The following LRRC7 variants were observed in gnomAD, a reference collection of about 807,000 sequenced individuals.
LRRC7 encodes leucine rich repeat containing 7.
A neutral mutation model predicts 175.7 loss-of-function variants in LRRC7; 23 were observed. The observed-to-expected ratio is 0.13, with a 90% CI of 0.09 to 0.19. The LOEUF (loss-of-function observed/expected upper bound fraction) is 0.19. Ranked by LOEUF, LRRC7 falls within the 10% of genes least tolerant of loss-of-function variation. The pLI is 1.00. For synonymous variants in LRRC7, 685 were observed against 680.9 expected (o/e 1.01, Z -0.09); for missense variants, 1,354 against 1,904.7 (o/e 0.71, Z 5.38).
rs536309053 is a variant in LRRC7 at position 70,124,611 on chromosome 1, G to A, written c.*2724G>A. 3.3e-5 allele frequency among the ~76,000 whole-genome samples: 5 copies of A among 151,958 alleles called. No homozygotes were observed. The highest frequency in any genetic ancestry group is 4.8e-5 in the African/African-American group (2 of 41,350). On this transcript the variant is annotated 3_prime_UTR_variant, in exon 27 of 27. Coordinates refer to ENST00000651989, the MANE Select transcript of LRRC7 (RefSeq NM_001370785.2). The stretch of plus-strand genomic sequence containing the variant: ...AATAGAATCACTAAACACTTGAGGG[G>A]TATAAACCTCACTAATTCTATAGGT...
intron 1 of LRRC7, among the ~76,000 whole-genome samples, chr1:69,613,238 G>A (rs776951306): frequency 3.3e-5 from 5 of 151,966 alleles, no homozygotes; most frequent in South Asian, 2.1e-4. Flanking sequence ...GCAGATGGCC[G>A]TCTTCTCATT....
chr1:69,927,407 C>T (rs1384596147), intron 7 of LRRC7, among the ~76,000 whole-genome samples: 1 of 152,156 alleles, frequency 6.6e-6, no homozygotes, highest in Non-Finnish European at 1.5e-5. Context: ...GAGTGTTTTC[C>T]AACTTGGTTC....
At chr1:69,778,761 T>C (rs910558650) in intron 3 of LRRC7, among the ~76,000 whole-genome samples, 3 of 152,060 alleles carry the variant, frequency 2.0e-5, no homozygotes, top group Non-Finnish European at 4.4e-5. Flanking sequence ...TCTCCAGTTA[T>C]ACCATGAGCC....
At chr1:69,635,541 C>CA (rs920767347) in intron 1 of LRRC7, among the ~76,000 whole-genome samples, 7 of 151,744 alleles carry the variant, frequency 4.6e-5, no homozygotes, top group South Asian at 4.2e-4. Context: ...GTATTTTTGA[C>CA]AAAAAAAGAT....
intron 7 of LRRC7, among the ~76,000 whole-genome samples, chr1:69,875,883 AAAC>A (rs1356692060): frequency 1.3e-5 from 2 of 152,228 alleles, no homozygotes; most frequent in South Asian, 2.1e-4. Flanking sequence ...CAGTAAAGAA[AAAC>A]AACAACAAAA....
intron 7 of LRRC7, among the ~76,000 whole-genome samples, chr1:69,905,596 T>C (rs1646278267): frequency 6.6e-6 from 1 of 152,210 alleles, no homozygotes; most frequent in Admixed American, 6.5e-5. Context: ...CTCTTCATTT[T>C]TTATGGCTGC....
intron 3 of LRRC7, among the ~76,000 whole-genome samples, chr1:69,769,028 T>G (rs970118736): frequency 6.6e-6 from 1 of 152,292 alleles, no homozygotes; most frequent in African/African-American, 2.4e-5. Context: ...TAGTATAAGC[T>G]TCTTTTTAAA....
intron 2 of LRRC7, among the ~76,000 whole-genome samples, chr1:69,747,985 C>T (rs999819538): frequency 4.6e-5 from 7 of 152,076 alleles, no homozygotes; most frequent in African/African-American, 1.7e-4. Context: ...TTCTTTCACC[C>T]TGAGGGGGAC....
intron 11 of LRRC7, among the ~76,000 whole-genome samples, chr1:70,010,391 C>T (rs1037917245): frequency 6.6e-6 from 1 of 152,064 alleles, no homozygotes; most frequent in Non-Finnish European, 1.5e-5. Context: ...CATGGCAAAA[C>T]CCCATCTCTA....
intron 7 of LRRC7, among the ~76,000 whole-genome samples, chr1:69,929,557 C>G (rs1647203835): frequency 6.6e-6 from 1 of 152,112 alleles, no homozygotes; most frequent in Non-Finnish European, 1.5e-5. Flanking sequence ...AGCACCTTTA[C>G]CATTGCCTTA....
rs201467999 is a variant in LRRC7, at chr1:70,023,135, T to G, written c.1555T>G (p.Cys519Gly). The change falls in exon 17 of 27, where the codon TGC becomes GGC. Residue 519 changes from cysteine to glycine, a missense_variant. Physicochemically the swap from Cys to Gly is radical, Grantham distance 159. This residue lies in a region of LRRC7 where 1,032 missense variants were observed against 1,227.2 expected (regional missense o/e 0.84). Coordinates refer to ENST00000651989, the MANE Select transcript of LRRC7 (RefSeq NM_001370785.2). The stretch of plus-strand genomic sequence containing the variant: ...ATTCCTTCTCCCACAGGATCTCTCC[T>G]GCCAAGCCCCCTGGGAAAGGGGCCA... The part of the protein sequence containing the change: ...ENAGKVKDLS[C>G]QAPWERGQRG... 3.5e-6 allele frequency: 5 copies of G among 1,423,794 alleles called. No homozygotes were observed. In the East Asian group the frequency reaches 1.3e-4, roughly 37 times the overall value. 88.2% of individuals were successfully genotyped at this position (1,423,794 alleles called of 1,614,324 possible). A position where few individuals can be genotyped will look rare whatever the true frequency, so the allele number is the denominator to read the frequency against.
intron 25 of LRRC7, among the ~76,000 whole-genome samples, 162 bp from the exon 26 acceptor site, chr1:70,107,590 G>A (rs897663146): frequency 6.6e-6 from 1 of 152,142 alleles, no homozygotes. Context: ...ACTTGACTTG[G>A]AGAGTGCTGC....
chr1:69,985,523 G>A (rs1653856748), intron 9 of LRRC7, among the ~76,000 whole-genome samples: 1 of 152,136 alleles, frequency 6.6e-6, no homozygotes, highest in Admixed American at 6.5e-5. Flanking sequence ...ACCATATACA[G>A]TTCCGTGGTT....
chr1:69,721,850 T>C (rs567856303), intron 2 of LRRC7, among the ~76,000 whole-genome samples: 8 of 152,066 alleles, frequency 5.3e-5, no homozygotes, highest in Non-Finnish European at 1.2e-4. Flanking sequence ...AAGTATTTTA[T>C]TGTGTGAAAA....
At chr1:69,850,351 T>C (rs1240538060) in intron 7 of LRRC7, among the ~76,000 whole-genome samples, 1 of 152,024 alleles carries the variant, frequency 6.6e-6, no homozygotes, top group Non-Finnish European at 1.5e-5. Flanking sequence ...ATGAACTGCC[T>C]TGTGAGCCAT....
At chr1:69,655,014 G>A (rs1553133498) in intron 1 of LRRC7, among the ~76,000 whole-genome samples, 4 of 152,052 alleles carry the variant, frequency 2.6e-5, no homozygotes, top group Non-Finnish European at 5.9e-5. Flanking sequence ...CTAAGCTGGT[G>A]CAATGTTCTA....
chr1:69,675,284 C>T (rs1267254058), intron 1 of LRRC7, among the ~76,000 whole-genome samples: 1 of 152,160 alleles, frequency 6.6e-6, no homozygotes, highest in East Asian at 1.9e-4. Flanking sequence ...TAAATCCTCC[C>T]ATAGCCTTTG....
At chr1:69,875,734 GATA>G (rs1216835489) in intron 7 of LRRC7, among the ~76,000 whole-genome samples, 2 of 152,044 alleles carry the variant, frequency 1.3e-5, no homozygotes, top group Non-Finnish European at 2.9e-5. Flanking sequence ...CAGGTAAAAT[GATA>G]ATAAGATGAA....
At chr1:69,734,895 TC>T (rs1286245188) in intron 2 of LRRC7, among the ~76,000 whole-genome samples, 2 of 151,888 alleles carry the variant, frequency 1.3e-5, no homozygotes, top group Admixed American at 6.6e-5. Flanking sequence ...GCATGTTTAT[TC>T]AATGGCAATA....
Sources: gnomAD v4.1 joint callset for allele counts (sites outside exome capture counted in the v4.1 genomes callset) on GRCh38, gnomAD v4.1.1 for gene constraint, gnomAD v4.1.1 regional missense constraint, MANE v1.5 for transcripts, NCBI Gene and HGNC (gene_info 2026-07-23, HGNC 2026-07-21) for gene names.